Variants in CLEC16A observed in about 807,000 individuals in gnomAD.
CLEC16A encodes protein CLEC16A.
Under a neutral mutation model 109.5 loss-of-function variants are expected in CLEC16A, and 51 were observed. That is an observed-to-expected ratio of 0.47 (90% CI 0.37 to 0.59). The LOEUF (loss-of-function observed/expected upper bound fraction) is 0.59, where lower values mean the gene tolerates loss of function less well. Among genes scored for constraint, CLEC16A ranks in the 20% least tolerant of loss-of-function variants. CLEC16A has a pLI of 0.00. For synonymous variants in CLEC16A, 673 were observed against 564.2 expected (o/e 1.19, Z -2.73); for missense variants, 1,339 against 1,394.0 (o/e 0.96, Z 0.63).
At chr16:11,004,525 C>G (rs2044872842) in intron 11 of CLEC16A, among the ~76,000 whole-genome samples, 1 of 152,224 alleles carries the variant, frequency 6.6e-6, no homozygotes, top group Non-Finnish European at 1.5e-5. Flanking sequence ...GAAACCACCT[C>G]TCCACAGCCC....
At chr16:11,130,415 A>G (rs1416303844) in intron 22 of CLEC16A, among the ~76,000 whole-genome samples, 2 of 152,246 alleles carry the variant, frequency 1.3e-5, no homozygotes, top group Non-Finnish European at 2.9e-5. Flanking sequence ...GAAGACCTTA[A>G]GCAGCATCCC....
intron 11 of CLEC16A, among the ~76,000 whole-genome samples, chr16:11,013,944 A>AAAG (rs554993853): frequency 0.02 from 3,007 of 151,568 alleles, 47 homozygotes; most frequent in Middle Eastern, 0.061. Flanking sequence ...GTCTCAAAAA[A>AAAG]AAGAAGAAGA....
In CLEC16A at chr16:10,945,155, C is replaced by T. The variant is rs558852799; in HGVS notation, c.80+358C>T. 3.9e-5 allele frequency among the ~76,000 whole-genome samples: 6 copies of T among 152,290 alleles called. No homozygotes were observed. The East Asian group carries it at 1.2e-3, about 29-fold the overall frequency. ...CTGAACAGCTTAGAGGGTCAAAGGC[C>T]TGGGTCCTGGAGTCGGGCAGATCTG... On this transcript the variant is annotated intron_variant, in intron 1 of 23. Coordinates refer to ENST00000409790, the MANE Select transcript of CLEC16A (RefSeq NM_015226.3).
At position 10,979,342 on chromosome 16, in the gene CLEC16A, C is replaced by T; in HGVS notation, c.917C>T (p.Pro306Leu). Residue 306 changes from proline to leucine, a missense_variant, in exon 9 of 24, where the codon CCG becomes CTG. Around this residue, in one of 3 missense-constraint regions of CLEC16A, gnomAD observed 161 missense variants for 267.1 expected, o/e 0.60. Coordinates refer to ENST00000409790, the MANE Select transcript of CLEC16A (RefSeq NM_015226.3). ...ACCCTGCACTAGGGAGGAGAACGGC[C>T]GAAAATTAGCCTGCCGGTGTCTCTT... is the stretch of plus-strand genomic sequence containing the variant. ...LENQDKGGERPKISLPVSLYL... is the reference protein window; with the variant it reads ...LENQDKGGERLKISLPVSLYL... 6 of 1,612,540 alleles carry T rather than the reference C, an allele frequency of 3.7e-6. No homozygotes were observed. The highest frequency in any genetic ancestry group is 1.7e-5 in the Admixed American group (1 of 59,866).
rs2054298802 is a variant in CLEC16A, at chr16:11,151,766, C to T, written c.2642-14622C>T. ...AGTCCGTTAAGCTCATGGCAGCCTG[C>T]ACCAGCTCACTGTTGCAAAAGGCAA... On this transcript the variant is annotated intron_variant, in intron 22 of 23. Coordinates refer to ENST00000409790, the MANE Select transcript of CLEC16A (RefSeq NM_015226.3). 3.3e-5 allele frequency among the ~76,000 whole-genome samples: 5 copies of T among 152,316 alleles called. No homozygotes were observed. In the South Asian group the frequency reaches 1.0e-3, roughly 32 times the overall value.
chr16:10,990,391 GTC>G (rs777857168), intron 10 of CLEC16A, among the ~76,000 whole-genome samples: 92 of 152,344 alleles, frequency 6.0e-4, no homozygotes, highest in Non-Finnish European at 1.2e-3. Context: ...AAACAGTTGC[GTC>G]TCTCTGTTTC....
intron 10 of CLEC16A, among the ~76,000 whole-genome samples, chr16:11,001,800 C>G (rs2044686037): frequency 6.6e-6 from 1 of 152,164 alleles, no homozygotes; most frequent in Non-Finnish European, 1.5e-5. Flanking sequence ...AGCCACCACA[C>G]CCGGCCATCT....
At chr16:10,947,476 G>A (rs16957807) in intron 1 of CLEC16A, among the ~76,000 whole-genome samples, 27,150 of 152,192 alleles carry the variant, frequency 0.18, 2,608 homozygotes, top group South Asian at 0.3. Context: ...CAACACCAGC[G>A]CGGGTTCTCC....
chr16:11,123,065 G>A (rs2052551462), intron 20 of CLEC16A, among the ~76,000 whole-genome samples: 1 of 151,848 alleles, frequency 6.6e-6, no homozygotes. Context: ...CACCATGCTT[G>A]GCTAATTTTT....
intron 22 of CLEC16A, 175 bp downstream of exon 22, chr16:11,126,321 A>G (rs758549542): frequency 6.7e-7 from 1 of 1,495,232 alleles, no homozygotes; most frequent in South Asian, 1.3e-5. Context: ...ACAGCCCCCA[A>G]AATAAATTTT....
intron 23 of CLEC16A, among the ~76,000 whole-genome samples, chr16:11,173,653 G>C (rs1285160466): frequency 6.6e-6 from 1 of 152,000 alleles, no homozygotes; most frequent in Non-Finnish European, 1.5e-5. Context: ...CCTCACTTGG[G>C]GTCAGAAATC....
chr16:10,984,696 G>A (rs1212552909), intron 10 of CLEC16A, among the ~76,000 whole-genome samples: 1 of 152,134 alleles, frequency 6.6e-6, no homozygotes, highest in Non-Finnish European at 1.5e-5. Flanking sequence ...AGAGTTTATG[G>A]GGCCCTAGAT....
chr16:10,948,034 C>T (rs1295424460), intron 1 of CLEC16A, among the ~76,000 whole-genome samples: 2 of 152,064 alleles, frequency 1.3e-5, no homozygotes, highest in African/African-American at 2.4e-5. Flanking sequence ...GCTGGGACTA[C>T]AGGCGCCCGC....
At chr16:11,012,630 T>A (rs1407004126) in intron 11 of CLEC16A, among the ~76,000 whole-genome samples, 2 of 148,640 alleles carry the variant, frequency 1.3e-5, no homozygotes, top group African/African-American at 5.1e-5. Flanking sequence ...AAGAAAGATT[T>A]ATGAAAACAT....
chr16:11,085,869 G>A (rs2049982572), intron 19 of CLEC16A, among the ~76,000 whole-genome samples: 1 of 152,228 alleles, frequency 6.6e-6, no homozygotes, highest in Non-Finnish European at 1.5e-5. Context: ...TGGGATTACA[G>A]GCGTGAGCCA....
At chr16:11,105,379 T>C (rs1244488405) in intron 19 of CLEC16A, among the ~76,000 whole-genome samples, 1 of 152,206 alleles carries the variant, frequency 6.6e-6, no homozygotes, top group Admixed American at 6.5e-5. Context: ...TGCAAGTTGC[T>C]CATCCTTAAG....
At chr16:11,119,146 C>G (rs896937763) in intron 19 of CLEC16A, among the ~76,000 whole-genome samples, 2 of 152,168 alleles carry the variant, frequency 1.3e-5, no homozygotes, top group Non-Finnish European at 2.9e-5. Context: ...ACTACAGGCA[C>G]ACACCACCAC....
At chr16:11,080,103 C>T (rs1597318945) in intron 19 of CLEC16A, among the ~76,000 whole-genome samples, 1 of 152,214 alleles carries the variant, frequency 6.6e-6, no homozygotes, top group African/African-American at 2.4e-5. Context: ...CTGCAGATTG[C>T]ACACTTGACT....
At chr16:11,044,453 G>A (rs1054814574) in intron 16 of CLEC16A, among the ~76,000 whole-genome samples, 2 of 152,114 alleles carry the variant, frequency 1.3e-5, no homozygotes, top group African/African-American at 4.8e-5. Context: ...AATTACTTAT[G>A]AATTACATAT....
Sources: allele counts gnomAD v4.1 joint callset (sites outside exome capture counted in the v4.1 genomes callset), GRCh38; gene constraint gnomAD v4.1.1; regional missense constraint gnomAD v4.1.1; transcripts MANE v1.5; gene names NCBI Gene and HGNC (gene_info 2026-07-23, HGNC 2026-07-21).